DDAH1: variants seen among roughly 807,000 people sequenced by gnomAD.
DDAH1 encodes dimethylarginine dimethylaminohydrolase 1.
Under a neutral mutation model 28.8 loss-of-function variants are expected in DDAH1, and 19 were observed. That is an observed-to-expected ratio of 0.66 (90% CI 0.46 to 0.97). DDAH1 has a LOEUF of 0.97. Among genes scored for constraint, DDAH1 ranks in the 50% least tolerant of loss-of-function variants. The pLI, the probability that DDAH1 is intolerant of heterozygous loss-of-function variation, is 0.00. For missense variants in DDAH1, 326 were observed against 375.9 expected, an observed-to-expected ratio of 0.87 and a Z score of 1.10; for synonymous variants, 153 against 154.4, an observed-to-expected ratio of 0.99 and a Z score of 0.07.
intron 1 of DDAH1, among the ~76,000 whole-genome samples, chr1:85,401,505 T>C (rs967975501): frequency 2.7e-4 from 40 of 147,922 alleles, no homozygotes; most frequent in South Asian, 1.1e-3. Context: ...TTCTTTCTTT[T>C]TTTTTTTTTT....
chr1:85,338,198 T>C (rs1648255730), intron 4 of DDAH1, among the ~76,000 whole-genome samples: 1 of 152,198 alleles, frequency 6.6e-6, no homozygotes, highest in South Asian at 2.1e-4. Flanking sequence ...AGAATGAGCA[T>C]AATAAAAACT....
chr1:85,490,874 G>T (rs754333063), intron 2 of DDAH1, among the ~76,000 whole-genome samples: 1 of 152,200 alleles, frequency 6.6e-6, no homozygotes, highest in Non-Finnish European at 1.5e-5. Context: ...TGTCTGCTCA[G>T]GGCTCATGGC....
chr1:85,567,847 A>C (rs1659348732), intron 1 of DDAH1, among the ~76,000 whole-genome samples: 1 of 152,206 alleles, frequency 6.6e-6, no homozygotes, highest in Admixed American at 6.5e-5. Context: ...AACACTATCA[A>C]ACAATTTTGC....
chr1:85,547,006 C>T (rs1015477409), intron 1 of DDAH1, among the ~76,000 whole-genome samples: 4 of 151,950 alleles, frequency 2.6e-5, no homozygotes, highest in South Asian at 2.1e-4. Flanking sequence ...TGAGTTAGAC[C>T]CACAGTGTAA....
chr1:85,334,031 G>A (rs879362678), intron 4 of DDAH1, among the ~76,000 whole-genome samples: 12 of 151,146 alleles, frequency 7.9e-5, no homozygotes, highest in Non-Finnish European at 1.6e-4. Context: ...AATTCTCATC[G>A]TGAATTATAA....
At chr1:85,540,220 T>C (rs917404634) in intron 1 of DDAH1, among the ~76,000 whole-genome samples, 4 of 152,300 alleles carry the variant, frequency 2.6e-5, no homozygotes, top group African/African-American at 9.6e-5. Flanking sequence ...ATATACTATA[T>C]TCCCTTTTCC....
rs562442064 is a variant in DDAH1, at chr1:85,547,275, T to G, written c.-123+30709A>C. On this transcript the variant is annotated intron_variant, in intron 1 of 6. Coordinates refer to the DDAH1 transcript ENST00000426972. Reference sequence around the variant, plus strand: ...GCTGTGTAAGCATTCAACATGAGAATGCACATTGTAGATAAAGGTTTTCTA... The same window carrying G: ...GCTGTGTAAGCATTCAACATGAGAAGGCACATTGTAGATAAAGGTTTTCTA... Among the ~76,000 whole-genome samples, 4 of 152,286 alleles carry G rather than the reference T, an allele frequency of 2.6e-5. No homozygotes were observed. The East Asian group carries it at 7.7e-4, about 29-fold the overall frequency.
chr1:85,374,689 G>A (rs1309678008), intron 1 of DDAH1, among the ~76,000 whole-genome samples: 1 of 148,340 alleles, frequency 6.7e-6, no homozygotes, highest in Non-Finnish European at 1.5e-5. Context: ...TTCCTATTAA[G>A]TATTTTTATG....
At chr1:85,454,829 T>C (rs1465682158) in intron 1 of DDAH1, among the ~76,000 whole-genome samples, 1 of 152,212 alleles carries the variant, frequency 6.6e-6, no homozygotes, top group Non-Finnish European at 1.5e-5. Context: ...AGCTGTGCTC[T>C]AGTCATAATT....
In DDAH1 at chr1:85,554,276, G is replaced by GTTTTTTTTT. The variant is rs368410411; in HGVS notation, c.-123+23699_-123+23707dup. On this transcript the variant is annotated intron_variant, in intron 1 of 6. Transcript: ENST00000426972. ...TTTTCCTAAAAAGGAAATTGTAAGA[G>GTTTTTTTTT]TTTTTTTTTTTTTTTTTTTTTTAAT... Among the ~76,000 whole-genome samples the GTTTTTTTTT allele has an allele frequency of 6.4e-4, 71 of 110,692 alleles. 1 individual carries two copies. Among genetic ancestry groups the GTTTTTTTTT allele is most frequent in the Middle Eastern group, 5.7e-3 (1 of 176 alleles). The allele number at this position is 110,692 out of a possible 152,430, so 72.6% of individuals were successfully genotyped here. A position where few individuals can be genotyped will look rare whatever the true frequency, so the allele number is the denominator to read the frequency against.
At chr1:85,529,700 T>C (rs1374657999) in intron 1 of DDAH1, among the ~76,000 whole-genome samples, 1 of 140,394 alleles carries the variant, frequency 7.1e-6, no homozygotes, top group Admixed American at 7.5e-5. Context: ...TGGTAGATTG[T>C]GGGTGGCAGA....
At chr1:85,516,136 T>C (rs1657463483) in intron 1 of DDAH1, among the ~76,000 whole-genome samples, 1 of 151,784 alleles carries the variant, frequency 6.6e-6, no homozygotes, top group South Asian at 2.1e-4. Flanking sequence ...AAATGCCCTA[T>C]ACCCAAACAG....
At chr1:85,495,800 C>A (rs537323119) in intron 2 of DDAH1, 2 of 152,230 alleles carry the variant, frequency 1.3e-5, no homozygotes, top group African/African-American at 4.8e-5. Flanking sequence ...CCTGAACACC[C>A]AGAGCTGGCT....
intron 1 of DDAH1, among the ~76,000 whole-genome samples, chr1:85,526,979 T>C (rs111413574): frequency 0.028 from 4,218 of 152,208 alleles, 209 homozygotes; most frequent in African/African-American, 0.096. Context: ...AGGCAGCTAA[T>C]AAGTGTTCCA....
intron 4 of DDAH1, among the ~76,000 whole-genome samples, chr1:85,336,121 CG>C (rs1648102052): frequency 6.6e-6 from 1 of 152,100 alleles, no homozygotes; most frequent in African/African-American, 2.4e-5. Flanking sequence ...AACAAAGACA[CG>C]TTAGATTTAA....
At chr1:85,422,615 G>T (rs1369248680) in intron 1 of DDAH1, among the ~76,000 whole-genome samples, 1 of 152,140 alleles carries the variant, frequency 6.6e-6, no homozygotes, top group African/African-American at 2.4e-5. Context: ...TTTTTCTTAT[G>T]GACATCCTAT....
intron 2 of DDAH1, among the ~76,000 whole-genome samples, chr1:85,485,793 T>C (rs61785162): frequency 1.8e-4 from 28 of 152,346 alleles, no homozygotes; most frequent in Non-Finnish European, 4.1e-4. Context: ...AAGCCATGTT[T>C]ATGCAAGCAT....
In DDAH1 at chr1:85,324,788, C is replaced by A. The variant is rs758596521; in HGVS notation, c.693G>T (p.Gly231=). ...CCGGGGTTCGGTGCAGCAAGACGTG[C>A]CCTTTGTTGGGGATATTTAGATATA... ...NCIYLNIPNK[G]HVLLHRTPEE... The change falls in exon 5 of 6, where the codon GGG becomes GGT. Residue 231 remains glycine (G), a synonymous_variant. Transcript: ENST00000284031. 4 of 1,614,052 alleles carry A rather than the reference C, an allele frequency of 2.5e-6. No individual in the cohort carries two copies. In the South Asian group the frequency reaches 4.4e-5, roughly 18 times the overall value.
chr1:85,553,662 T>G (rs1658868728), intron 1 of DDAH1, among the ~76,000 whole-genome samples: 1 of 152,212 alleles, frequency 6.6e-6, no homozygotes, highest in Non-Finnish European at 1.5e-5. Flanking sequence ...CATGAACAGA[T>G]TCTTCATTTC....
Sources: gnomAD v4.1 joint callset for allele counts (sites outside exome capture counted in the v4.1 genomes callset) on GRCh38, gnomAD v4.1.1 for gene constraint, MANE v1.5 for transcripts, NCBI Gene and HGNC (gene_info 2026-07-23, HGNC 2026-07-21) for gene names.